The following SH3RF3 variants were observed in gnomAD, a reference collection of about 807,000 sequenced individuals.
The protein encoded by SH3RF3 is SH3 domain containing ring finger 3.
In SH3RF3, 29 loss-of-function variants were observed where a neutral mutation model predicts 66.3. That is an observed-to-expected ratio of 0.44 (90% CI 0.33 to 0.60). SH3RF3 has a LOEUF of 0.60. SH3RF3 is among the 20% of genes least tolerant of loss of function. The pLI is 0.04. For synonymous variants in SH3RF3, 583 were observed against 532.0 expected (o/e 1.10, Z -1.32); for missense variants, 1,194 against 1,190.9 (o/e 1.00, Z -0.04).
intron 3 of SH3RF3, among the ~76,000 whole-genome samples, chr2:109,397,070 T>G (rs1676167566): frequency 6.6e-6 from 1 of 152,148 alleles, no homozygotes; most frequent in South Asian, 2.1e-4. Context: ...TGTGGTGCCC[T>G]ACAGCACAGA....
intron 9 of SH3RF3, among the ~76,000 whole-genome samples, chr2:109,500,339 A>G (rs112299749): frequency 5.9e-5 from 9 of 152,282 alleles, no homozygotes; most frequent in African/African-American, 2.2e-4. Flanking sequence ...AGCACCTGCC[A>G]CAGCCCAGAG....
At chr2:109,470,331 C>T (rs1678469856) in intron 8 of SH3RF3, among the ~76,000 whole-genome samples, 1 of 152,202 alleles carries the variant, frequency 6.6e-6, no homozygotes, top group Non-Finnish European at 1.5e-5. Flanking sequence ...CGGGTAGACT[C>T]CTGCTCCATC....
At chr2:109,374,352 C>G (rs560681934) in intron 3 of SH3RF3, among the ~76,000 whole-genome samples, 60 of 152,262 alleles carry the variant, frequency 3.9e-4, no homozygotes, top group African/African-American at 1.4e-3. Flanking sequence ...CCCGGACTCT[C>G]AGCAGCCACT....
At chr2:109,233,058 G>A (rs1336868318) in intron 1 of SH3RF3, among the ~76,000 whole-genome samples, 2 of 152,138 alleles carry the variant, frequency 1.3e-5, no homozygotes, top group African/African-American at 4.8e-5. Context: ...TGCTGGGGCC[G>A]GAGCTAGTGC....
chr2:109,297,912 TCCCCACCCAGA>T, intron 1 of SH3RF3, among the ~76,000 whole-genome samples: 1 of 151,108 alleles, frequency 6.6e-6, no homozygotes, highest in East Asian at 2.0e-4. Context: ...ATGTCAATGC[TCCCCACCCAGA>T]TGTGTGTTCC....
intron 1 of SH3RF3, among the ~76,000 whole-genome samples, chr2:109,267,828 G>A (rs918330343): frequency 2.0e-5 from 3 of 152,160 alleles, no homozygotes; most frequent in Non-Finnish European, 4.4e-5. Context: ...CCCTGTGGTC[G>A]GGCAATGGGG....
intron 1 of SH3RF3, among the ~76,000 whole-genome samples, chr2:109,173,730 G>T (rs771472408): frequency 6.6e-6 from 1 of 152,216 alleles, no homozygotes; most frequent in Admixed American, 6.5e-5. Context: ...GAGGGGCAGT[G>T]TCTAGGGGGA....
At chr2:109,145,529 G>A (rs1239190841) in intron 1 of SH3RF3, among the ~76,000 whole-genome samples, 1 of 152,132 alleles carries the variant, frequency 6.6e-6, no homozygotes, top group African/African-American at 2.4e-5. Context: ...CTCATGAAAG[G>A]GGCTGCTTCC....
intron 1 of SH3RF3, among the ~76,000 whole-genome samples, chr2:109,256,838 G>T (rs1248538114): frequency 6.6e-6 from 1 of 152,178 alleles, no homozygotes; most frequent in Admixed American, 6.5e-5. Context: ...ACAGGTGGGG[G>T]TGTCCCTTGT....
chr2:109,179,632 G>C (rs911524445), intron 1 of SH3RF3, among the ~76,000 whole-genome samples: 4 of 152,156 alleles, frequency 2.6e-5, no homozygotes, highest in Non-Finnish European at 5.9e-5. Context: ...GTATCACATG[G>C]TGAGAGGGCA....
chr2:109,252,488 G>A (rs914011877), intron 1 of SH3RF3, among the ~76,000 whole-genome samples: 5 of 152,104 alleles, frequency 3.3e-5, no homozygotes, highest in East Asian at 1.9e-4. Context: ...TTGATCAGCC[G>A]TCCTGGTGTT....
At chr2:109,151,687 G>A (rs1370282187) in intron 1 of SH3RF3, among the ~76,000 whole-genome samples, 1 of 152,248 alleles carries the variant, frequency 6.6e-6, no homozygotes, top group Non-Finnish European at 1.5e-5. Flanking sequence ...CCAGGGCCCA[G>A]TAGGCATGTG....
chr2:109,155,834 G>C (rs4676067), intron 1 of SH3RF3, among the ~76,000 whole-genome samples: 106,276 of 152,188 alleles, frequency 0.7, 38,277 homozygotes, highest in African/African-American at 0.77. Flanking sequence ...TAGGTGGTCA[G>C]CCTTCAAACT....
rs377704178 is a variant in SH3RF3, at chr2:109,302,114, A to G, written c.574-45560A>G. On this transcript the variant is annotated intron_variant, in intron 1 of 9. Transcript: ENST00000309415. ...CTCCCACTGCAATCGATAGCAGAGA[A>G]TGGAGAGGCTGGTCATTTTTTCAGA... Among the ~76,000 whole-genome samples, 180 of 152,314 alleles carry G rather than the reference A, an allele frequency of 1.2e-3. 1 individual carries two copies. Among genetic ancestry groups the G allele is most frequent in the African/African-American group, 4.0e-3 (167 of 41,570 alleles).
chr2:109,134,169 A>G (rs1015218231), intron 1 of SH3RF3, among the ~76,000 whole-genome samples: 8 of 152,124 alleles, frequency 5.3e-5, no homozygotes, highest in African/African-American at 1.9e-4. Flanking sequence ...AGTGGCTGGT[A>G]TAATTATTAT....
rs1680499942 is a variant in SH3RF3 at position 109,266,514 on chromosome 2, C to G, written c.574-81160C>G. Among the ~76,000 whole-genome samples the G allele has an allele frequency of 2.0e-5, 3 of 152,150 alleles. No individual in the cohort carries two copies. In the South Asian group the frequency reaches 6.2e-4, roughly 32 times the overall value. Reference sequence around the variant, plus strand: ...ATCTGCCCCTTCACTGCCTTCAACTCTCATTGTTCTCCTCAATACAGTGAA... The same window carrying G: ...ATCTGCCCCTTCACTGCCTTCAACTGTCATTGTTCTCCTCAATACAGTGAA... On this transcript the variant is annotated intron_variant, in intron 1 of 9. Coordinates refer to ENST00000309415, the MANE Select transcript of SH3RF3 (RefSeq NM_001099289.3).
At chr2:109,187,341 G>A (rs539248795) in intron 1 of SH3RF3, among the ~76,000 whole-genome samples, 116 of 144,568 alleles carry the variant, frequency 8.0e-4, no homozygotes, top group Non-Finnish European at 1.3e-3. Context: ...TTTCTCCAGA[G>A]TGCAAAAGAC....
At chr2:109,176,252 G>A (rs1677909887) in intron 1 of SH3RF3, among the ~76,000 whole-genome samples, 1 of 152,194 alleles carries the variant, frequency 6.6e-6, no homozygotes, top group South Asian at 2.1e-4. Context: ...CAATTGTAGA[G>A]TTTAATAAAA....
chr2:109,340,762 T>C (rs559749919), intron 1 of SH3RF3, among the ~76,000 whole-genome samples: 8 of 152,320 alleles, frequency 5.3e-5, no homozygotes, highest in African/African-American at 1.9e-4. Context: ...AGGGCAGATT[T>C]GATTATCTCT....
Sources: gnomAD v4.1 joint callset for allele counts (sites outside exome capture counted in the v4.1 genomes callset) on GRCh38, gnomAD v4.1.1 for gene constraint, MANE v1.5 for transcripts, NCBI Gene and HGNC (gene_info 2026-07-23, HGNC 2026-07-21) for gene names.